Variants in TBC1D30 observed in about 807,000 individuals in gnomAD.
TBC1D30 encodes TBC1 domain family member 30.
Under a neutral mutation model 63.2 loss-of-function variants are expected in TBC1D30, and 31 were observed. The observed-to-expected ratio is 0.49, with a 90% CI of 0.37 to 0.66. The LOEUF (loss-of-function observed/expected upper bound fraction) is 0.66. Ranked by LOEUF, TBC1D30 falls within the 30% of genes least tolerant of loss-of-function variation. TBC1D30 has a pLI of 0.00. For synonymous variants in TBC1D30, 307 were observed against 361.5 expected (o/e 0.85, Z 1.71); for missense variants, 810 against 953.6 (o/e 0.85, Z 1.98).
intron 11 of TBC1D30, among the ~76,000 whole-genome samples, chr12:64,872,417 A>C (rs1565692599): frequency 6.6e-6 from 1 of 152,190 alleles, no homozygotes; most frequent in African/African-American, 2.4e-5. Context: ...TAAAATATTT[A>C]CAGTCTGGTC....
Position 64,870,193 on chromosome 12 carries a change from A to ACT in TBC1D30, c.1292-406_1292-405dup, listed in dbSNP as rs1413152676. Among the ~76,000 whole-genome samples, 8 of 152,204 alleles carry ACT rather than the reference A, an allele frequency of 5.3e-5. 1 individual carries two copies. The highest frequency in any genetic ancestry group is 1.9e-4 in the African/African-American group (8 of 41,452). On this transcript the variant is annotated intron_variant, in intron 10 of 11. Transcript: ENST00000539867. ...GAATGCACTTTTAATGACTGTCTAA[A>ACT]CTCTACAAACCAATTCTGTATAAAT...
At chr12:64,794,316 G>A (rs1177411748) in intron 2 of TBC1D30, among the ~76,000 whole-genome samples, 2 of 152,090 alleles carry the variant, frequency 1.3e-5, no homozygotes, top group Non-Finnish European at 2.9e-5. Flanking sequence ...TTGTCATTCA[G>A]TTCTGGAAAT....
Position 64,875,349 on chromosome 12 carries a change from C to G in TBC1D30, c.1847C>G (p.Ala616Gly). Residue 616 changes from alanine (A) to glycine (G), a missense_variant, in exon 12 of 12, where the codon GCG becomes GGG. Around this residue, in one of 4 missense-constraint regions of TBC1D30, gnomAD observed 450 missense variants for 473.0 expected, o/e 0.95. Coordinates refer to ENST00000539867, the MANE Select transcript of TBC1D30 (RefSeq NM_015279.2). ...GAGGCATTCCCCTCTGGTTGTACAG[C>G]GACAGCTGGGAGAGAAGGCAGCAGC... The part of the protein sequence containing the change: ...AAEAFPSGCT[A>G]TAGREGSSPE... The G allele has an allele frequency of 6.5e-7, 1 of 1,536,210 alleles. No homozygotes were observed. The highest frequency in any genetic ancestry group is 8.7e-7 in the Non-Finnish European group (1 of 1,146,920).
intron 8 of TBC1D30, among the ~76,000 whole-genome samples, chr12:64,852,993 A>G (rs1268334426): frequency 1.3e-5 from 2 of 152,170 alleles, no homozygotes; most frequent in Non-Finnish European, 2.9e-5. Flanking sequence ...GAGGCAGTCT[A>G]TCCCTTGGTA....
At chr12:64,873,848 A>G (rs1233229904) in intron 11 of TBC1D30, among the ~76,000 whole-genome samples, 1 of 152,172 alleles carries the variant, frequency 6.6e-6, no homozygotes, top group East Asian at 1.9e-4. Flanking sequence ...ATACTGGGGT[A>G]TGACCAGTGG....
intron 1 of TBC1D30, among the ~76,000 whole-genome samples, chr12:64,766,908 C>A (rs1184491225): frequency 1.3e-5 from 2 of 151,940 alleles, no homozygotes; most frequent in South Asian, 4.1e-4. Context: ...GGGTAGCTCA[C>A]AAATATTTGG....
chr12:64,798,460 T>C (rs903861283), intron 2 of TBC1D30, among the ~76,000 whole-genome samples: 3 of 152,212 alleles, frequency 2.0e-5, no homozygotes, highest in Non-Finnish European at 4.4e-5. Context: ...GATAGAATTA[T>C]GTATTTTTAT....
chr12:64,785,855 T>C (rs1165520467), intron 1 of TBC1D30: 1 of 1,281,410 alleles, frequency 7.8e-7, no homozygotes, highest in South Asian at 1.2e-5. Context: ...GTATTAATCG[T>C]TATTCTTATT....
chr12:64,770,724 A>G (rs1006747604), intron 1 of TBC1D30, among the ~76,000 whole-genome samples: 14 of 145,708 alleles, frequency 9.6e-5, no homozygotes, highest in African/African-American at 3.3e-4. Context: ...TTTTTTTTTG[A>G]GACGGAGTCT....
At chr12:64,839,935 A>T (rs1019402899) in intron 7 of TBC1D30, among the ~76,000 whole-genome samples, 4 of 147,626 alleles carry the variant, frequency 2.7e-5, no homozygotes, top group Non-Finnish European at 5.9e-5. Context: ...AACCCAGGGG[A>T]CGGAGCTTGC....
At chr12:64,766,013 AAAAT>A (rs145889727) in intron 1 of TBC1D30, among the ~76,000 whole-genome samples, 2,166 of 152,252 alleles carry the variant, frequency 0.014, 34 homozygotes, top group Non-Finnish European at 0.023. Flanking sequence ...CCCTGTCTCA[AAAAT>A]AAATAAATAC....
chr12:64,779,639 G>A (rs114673391), upstream of TBC1D30, among the ~76,000 whole-genome samples: 110 of 152,284 alleles, frequency 7.2e-4, no homozygotes, highest in African/African-American at 2.5e-3. Flanking sequence ...TTCACCAGGT[G>A]TGTTGTTGCC....
intron 8 of TBC1D30, among the ~76,000 whole-genome samples, chr12:64,853,467 C>T (rs547329338): frequency 5.3e-4 from 80 of 152,338 alleles, no homozygotes; most frequent in African/African-American, 1.7e-3. Flanking sequence ...ACTTGGCTCC[C>T]TGGCTTCAGC....
intron 1 of TBC1D30, among the ~76,000 whole-genome samples, chr12:64,765,206 C>T (rs192142531): frequency 4.1e-4 from 62 of 152,158 alleles, no homozygotes; most frequent in Admixed American, 4.6e-4. Flanking sequence ...AAAATTACTA[C>T]ACAGGGCCGG....
chr12:64,780,465 C>T (rs575221078), upstream of TBC1D30, among the ~76,000 whole-genome samples: 1 of 152,364 alleles, frequency 6.6e-6, no homozygotes, highest in Non-Finnish European at 1.5e-5. Flanking sequence ...GGCCTCAGCG[C>T]CCTCCCCCTC....
Position 64,807,918 on chromosome 12 carries a change from G to GTTTTTTTTTTTTTTTT in TBC1D30, c.644-19915_644-19900dup, listed in dbSNP as rs774145443. ...GCCCATGCCACCCTGCCTAATTTAA[G>GTTTTTTTTTTTTTTTT]TTTTTTTTTTTTTTTTTGTAGAGCT... On this transcript the variant is annotated intron_variant, in intron 2 of 12. Transcript: ENST00000542120. Among the ~76,000 whole-genome samples the GTTTTTTTTTTTTTTTT allele has an allele frequency of 7.5e-3, 699 of 93,448 alleles. 54 individuals are homozygous for GTTTTTTTTTTTTTTTT. The highest frequency in any genetic ancestry group is 0.014 in the African/African-American group (246 of 18,116). The allele number at this position is 93,448 out of a possible 152,430, so 61.3% of individuals were successfully genotyped here. A position where few individuals can be genotyped will look rare whatever the true frequency, so the allele number is the denominator to read the frequency against.
chr12:64,770,690 C>T (rs77003258), intron 1 of TBC1D30, among the ~76,000 whole-genome samples: 5,119 of 151,900 alleles, frequency 0.034, 207 homozygotes, highest in East Asian at 0.16. Flanking sequence ...ACTTATAAAA[C>T]ACCAATTCCT....
At chr12:64,786,573 T>C (rs1447024292) in intron 2 of TBC1D30, among the ~76,000 whole-genome samples, 1 of 152,074 alleles carries the variant, frequency 6.6e-6, no homozygotes, top group Non-Finnish European at 1.5e-5. Context: ...ACTCCTGATC[T>C]CAGGTGATTC....
intron 1 of TBC1D30, among the ~76,000 whole-genome samples, chr12:64,782,052 C>T (rs1229249292): frequency 2.0e-5 from 3 of 150,992 alleles, no homozygotes; most frequent in Non-Finnish European, 4.4e-5. Context: ...CTCTGATGCT[C>T]GTGTCTTGAG....
Sources: allele counts gnomAD v4.1 joint callset (sites outside exome capture counted in the v4.1 genomes callset), GRCh38; gene constraint gnomAD v4.1.1; regional missense constraint gnomAD v4.1.1; transcripts MANE v1.5; gene names NCBI Gene and HGNC (gene_info 2026-07-23, HGNC 2026-07-21).